Variants in MYOZ2 observed in about 807,000 individuals in gnomAD.
The protein encoded by MYOZ2 is myozenin 2, also known as myozenin-2.
In MYOZ2, 19 loss-of-function variants were observed where a neutral mutation model predicts 25.4. The ratio of observed to expected loss-of-function variants is 0.75; its 90% CI spans 0.52 to 1.10. MYOZ2 has a LOEUF of 1.10. Among genes scored for constraint, MYOZ2 ranks in the 50% least tolerant of loss-of-function variants. The pLI, the probability that MYOZ2 is intolerant of heterozygous loss-of-function variation, is 0.00. For missense variants in MYOZ2, 270 were observed against 317.9 expected (o/e 0.85, Z 1.15); for synonymous variants, 92 against 106.9 (o/e 0.86, Z 0.86).
At chr4:119,172,947 C>A (rs559024906) in intron 5 of MYOZ2, among the ~76,000 whole-genome samples, 1 of 152,090 alleles carries the variant, frequency 6.6e-6, no homozygotes, top group Non-Finnish European at 1.5e-5. Context: ...TGTATGACTT[C>A]GGGTATGTCA....
Position 119,187,649 on chromosome 4 carries a change from T to G in MYOZ2, c.*1449T>G, listed in dbSNP as rs899290000. On this transcript the variant is annotated 3_prime_UTR_variant, in exon 6 of 6. Coordinates refer to ENST00000307128, the MANE Select transcript of MYOZ2 (RefSeq NM_016599.5). ...TAAAGATGTCTTAAGATATCTTAAT[T>G]TTATTTATAAGTTTTGGTGTTTACC... The G allele has an allele frequency of 8.5e-5, 13 of 152,230 alleles. No homozygotes were observed. Among genetic ancestry groups the G allele is most frequent in the Non-Finnish European group, 1.8e-4 (12 of 68,000 alleles). 9.4% of individuals were successfully genotyped at this position (152,230 alleles called of 1,614,324 possible).
chr4:119,165,440 G>A (rs1306441244), intron 5 of MYOZ2, among the ~76,000 whole-genome samples: 1 of 151,952 alleles, frequency 6.6e-6, no homozygotes, highest in Non-Finnish European at 1.5e-5. Flanking sequence ...GAGCCCAGGA[G>A]GTGGAAGTTG....
intron 5 of MYOZ2, among the ~76,000 whole-genome samples, chr4:119,175,768 T>A (rs979144473): frequency 1.5e-4 from 23 of 151,278 alleles, no homozygotes; most frequent in East Asian, 7.8e-4. Context: ...AAAAAAAAAA[T>A]TTTGAAGTAG....
chr4:119,170,517 G>A (rs1741926859), intron 5 of MYOZ2, among the ~76,000 whole-genome samples: 1 of 151,872 alleles, frequency 6.6e-6, no homozygotes, highest in South Asian at 2.1e-4. Context: ...TAAGTTTTCT[G>A]TACTTGTGTT....
chr4:119,152,869 G>A (rs1033508826), intron 3 of MYOZ2, among the ~76,000 whole-genome samples: 1 of 152,092 alleles, frequency 6.6e-6, no homozygotes, highest in Non-Finnish European at 1.5e-5. Flanking sequence ...ATTCAAGGAA[G>A]TATGTTCATT....
intron 4 of MYOZ2, among the ~76,000 whole-genome samples, chr4:119,160,329 T>TA (rs1417053271): frequency 6.6e-6 from 1 of 151,952 alleles, no homozygotes; most frequent in Non-Finnish European, 1.5e-5. Flanking sequence ...TTTTTTTTTT[T>TA]TTATTAAATA....
intron 4 of MYOZ2, among the ~76,000 whole-genome samples, chr4:119,163,019 C>T (rs1329567039): frequency 1.3e-5 from 2 of 151,868 alleles, no homozygotes; most frequent in Non-Finnish European, 2.9e-5. Context: ...ATACATAGGT[C>T]ACAATTGAAG....
intron 5 of MYOZ2, among the ~76,000 whole-genome samples, chr4:119,180,245 G>A (rs893772213): frequency 5.3e-5 from 8 of 152,082 alleles, no homozygotes; most frequent in African/African-American, 1.9e-4. Context: ...TTTATTGCCT[G>A]TGGTGATCTG....
At chr4:119,143,251 A>C (rs1197080672) in intron 2 of MYOZ2, among the ~76,000 whole-genome samples, 1 of 151,204 alleles carries the variant, frequency 6.6e-6, no homozygotes, top group Non-Finnish European at 1.5e-5. Flanking sequence ...GCTGGAGTGC[A>C]GTGGCCTGAT....
rs1421281266 is a variant in MYOZ2 at position 119,164,214 on chromosome 4, A to G, written c.380A>G (p.Tyr127Cys). ...PPNPDNIAPG[Y>C]SGPLKEIPPE... ...CTTTTGCTATATTTTTCCAAAGGATATTCTGGACCACTGAAGGAAATTCCT... is the reference window on the plus strand; with the variant it reads ...CTTTTGCTATATTTTTCCAAAGGATGTTCTGGACCACTGAAGGAAATTCCT... The change falls in exon 5 of 6, where the codon TAT becomes TGT. Residue 127 changes from tyrosine (Y) to cysteine (C), a missense_variant. Physicochemically the swap from Tyr to Cys is radical, Grantham distance 194. Transcript: ENST00000307128. The G allele has an allele frequency of 6.2e-7, 1 of 1,613,804 alleles. No homozygotes were observed. Among genetic ancestry groups the G allele is most frequent in the Non-Finnish European group, 8.5e-7 (1 of 1,179,708 alleles).
intron 2 of MYOZ2, among the ~76,000 whole-genome samples, chr4:119,141,195 T>C (rs1054146673): frequency 6.6e-6 from 1 of 152,210 alleles, no homozygotes; most frequent in African/African-American, 2.4e-5. Context: ...AAGCTTCAGC[T>C]AGCTACCCTC....
At chr4:119,142,722 A>C (rs1394286302) in intron 2 of MYOZ2, among the ~76,000 whole-genome samples, 1 of 152,240 alleles carries the variant, frequency 6.6e-6, no homozygotes, top group Non-Finnish European at 1.5e-5. Flanking sequence ...AGAAGTATAA[A>C]AATTTTTAAA....
chr4:119,150,331 C>G (rs549194927), intron 2 of MYOZ2, among the ~76,000 whole-genome samples: 1 of 151,824 alleles, frequency 6.6e-6, no homozygotes, highest in Non-Finnish European at 1.5e-5. Flanking sequence ...GGCATTTGAG[C>G]TGGATTGGGG....
intron 5 of MYOZ2, among the ~76,000 whole-genome samples, chr4:119,177,949 G>A (rs1364743629): frequency 6.6e-6 from 1 of 151,304 alleles, no homozygotes; most frequent in African/African-American, 2.4e-5. Flanking sequence ...ACAGTAAAAA[G>A]TTCTTAAATA....
At chr4:119,179,941 C>G (rs1205048109) in intron 5 of MYOZ2, among the ~76,000 whole-genome samples, 4 of 152,236 alleles carry the variant, frequency 2.6e-5, no homozygotes, top group Admixed American at 2.6e-4. Context: ...GTCTCCACCT[C>G]TTAATACCAC....
intron 5 of MYOZ2, among the ~76,000 whole-genome samples, chr4:119,165,805 C>G (rs968059247): frequency 6.6e-6 from 1 of 152,088 alleles, no homozygotes; most frequent in Non-Finnish European, 1.5e-5. Context: ...TTAAGACATG[C>G]TGTAAGACTT....
At chr4:119,146,089 A>G (rs4834755) in intron 2 of MYOZ2, among the ~76,000 whole-genome samples, 7,175 of 152,134 alleles carry the variant, frequency 0.047, 298 homozygotes, top group Admixed American at 0.11. Context: ...TTTTGTTCCT[A>G]ATATTGTTAA....
chr4:119,178,544 A>G (rs1742124859), intron 5 of MYOZ2, among the ~76,000 whole-genome samples: 1 of 152,182 alleles, frequency 6.6e-6, no homozygotes, highest in African/African-American at 2.4e-5. Context: ...TCTACGGCTT[A>G]CCCTTAATTC....
chr4:119,150,350 C>T (rs942994197), intron 2 of MYOZ2, among the ~76,000 whole-genome samples: 1 of 151,942 alleles, frequency 6.6e-6, no homozygotes, highest in Non-Finnish European at 1.5e-5. Flanking sequence ...GGAAAAAGTT[C>T]ACTCAATACT....
Sources: allele counts gnomAD v4.1 joint callset (sites outside exome capture counted in the v4.1 genomes callset), GRCh38; gene constraint gnomAD v4.1.1; transcripts MANE v1.5; gene names NCBI Gene and HGNC (gene_info 2026-07-23, HGNC 2026-07-21).